PTAFR: variants seen among roughly 807,000 people sequenced by gnomAD.
PTAFR encodes the protein platelet activating factor receptor.
PTAFR carries 8 observed loss-of-function variants against 14.7 expected under a neutral mutation model. The ratio of observed to expected loss-of-function variants is 0.54; its 90% CI spans 0.32 to 0.98. The LOEUF is 0.98. PTAFR is among the 50% of genes least tolerant of loss of function. The pLI, the probability that PTAFR is intolerant of heterozygous loss-of-function variation, is 0.04. For synonymous variants in PTAFR, 156 were observed against 176.5 expected (o/e 0.88, Z 0.92); for missense variants, 337 against 451.2 (o/e 0.75, Z 2.29).
rs182526337 is a variant in PTAFR at position 28,151,403 on chromosome 1, C to T, written c.-38-344G>A. ...ATGTTGTTCAGGCTGGTCTCAAACT[C>T]CCAACCTCAGGTGATCTGCCCACCT... On this transcript the variant is annotated intron_variant, in intron 1 of 1. Coordinates refer to ENST00000373857, the MANE Select transcript of PTAFR (RefSeq NM_000952.5). Among the ~76,000 whole-genome samples, 10 of 152,228 alleles carry T rather than the reference C, an allele frequency of 6.6e-5. No individual in the cohort carries two copies. The East Asian group carries it at 1.5e-3, about 24-fold the overall frequency.
chr1:28,187,472 T>TA (rs1646616279), intron 1 of PTAFR, among the ~76,000 whole-genome samples: 1 of 151,750 alleles, frequency 6.6e-6, no homozygotes, highest in Non-Finnish European at 1.5e-5. Context: ...TGGAAGAAAA[T>TA]AGAGTTGAAT....
chr1:28,189,585 C>T (rs1214366431), intron 1 of PTAFR, among the ~76,000 whole-genome samples: 1 of 151,564 alleles, frequency 6.6e-6, no homozygotes, highest in Non-Finnish European at 1.5e-5. Flanking sequence ...TGCACTCCAA[C>T]CTGGGCAACA....
At chr1:28,176,398 G>A (rs1027977123) in intron 1 of PTAFR, among the ~76,000 whole-genome samples, 194 bp downstream of exon 1, 4 of 146,534 alleles carry the variant, frequency 2.7e-5, no homozygotes, top group Non-Finnish European at 4.5e-5. Context: ...AGCCATGATC[G>A]CGCCACTGCA....
Position 28,184,389 on chromosome 1 carries a change from G to A in PTAFR, c.-39+9333C>T, listed in dbSNP as rs528223839. Among the ~76,000 whole-genome samples, 15 of 152,098 alleles carry A rather than the reference G, an allele frequency of 9.9e-5. No individual in the cohort carries two copies. The South Asian group carries it at 1.0e-3, about 11-fold the overall frequency. On this transcript the variant is annotated intron_variant, in intron 1 of 1. Coordinates refer to the PTAFR transcript ENST00000305392. ...ATTACAGGTGTGAGCCACCGTACCC[G>A]GCCTAGTCTGTTCTTAATACAGCAA... is the stretch of plus-strand genomic sequence containing the variant.
upstream of PTAFR, chr1:28,177,105 G>T: frequency 6.9e-6 from 1 of 143,950 alleles, no homozygotes; most frequent in Non-Finnish European, 1.5e-5. Context: ...AGAGATGAGA[G>T]GAACAAGGAG....
At chr1:28,185,707 A>C (rs1039062795) in intron 1 of PTAFR, among the ~76,000 whole-genome samples, 7 of 151,990 alleles carry the variant, frequency 4.6e-5, no homozygotes, top group African/African-American at 1.7e-4. Flanking sequence ...AAGGAAAAAA[A>C]GGTTACGAAG....
chr1:28,162,118 C>T (rs1009510390), intron 1 of PTAFR, among the ~76,000 whole-genome samples: 3 of 152,098 alleles, frequency 2.0e-5, no homozygotes, highest in Non-Finnish European at 2.9e-5. Context: ...CTGTGAGCCT[C>T]GGAGAGCTGC....
Position 28,148,135 on chromosome 1 carries a change from A to G in PTAFR, c.*1858T>C, listed in dbSNP as rs1646136669. The G allele has an allele frequency of 6.6e-6, 1 of 152,240 alleles. No homozygotes were observed. The highest frequency in any genetic ancestry group is 1.5e-5 in the Non-Finnish European group (1 of 68,044). 9.4% of individuals were successfully genotyped at this position (152,240 alleles called of 1,614,324 possible). A position where few individuals can be genotyped will look rare whatever the true frequency, so the allele number is the denominator to read the frequency against. ...AGCACAGAGCTCTAGAAACCAGAGA[A>G]GTTTCCTCTGAGCCCCTTGGGTCTG... On this transcript the variant is annotated 3_prime_UTR_variant, in exon 2 of 2. Coordinates refer to ENST00000373857, the MANE Select transcript of PTAFR (RefSeq NM_000952.5).
At chr1:28,164,400 G>A (rs1646359130) in intron 1 of PTAFR, among the ~76,000 whole-genome samples, 1 of 152,190 alleles carries the variant, frequency 6.6e-6, no homozygotes, top group South Asian at 2.1e-4. Flanking sequence ...GACTAGAAGT[G>A]GTGAAGGCGG....
In PTAFR at chr1:28,150,188, G is replaced by A; in HGVS notation, c.834C>T (p.Thr278=). ...HQAINDAHQV[T]LCLLSTNCVL... is the part of the protein sequence containing the mutation. ...CACAGTTGGTGCTAAGGAGGCAGAG[G>A]GTGACCTGATGTGCATCATTAATGG... is the stretch of plus-strand genomic sequence containing the variant. The change falls in exon 2 of 2, where the codon ACC becomes ACT. Residue 278 remains threonine (T), a synonymous_variant. Coordinates refer to ENST00000373857, the MANE Select transcript of PTAFR (RefSeq NM_000952.5). The surrounding 1 kb of genome is among the most constrained non-coding windows in gnomAD (Gnocchi z 6.3). The A allele has an allele frequency of 6.2e-7, 1 of 1,614,162 alleles. No homozygotes were observed. The highest frequency in any genetic ancestry group is 8.5e-7 in the Non-Finnish European group (1 of 1,180,016).
In PTAFR at chr1:28,150,313, CCGTGCACACCATCCACAGCGCCCG is replaced by C; in HGVS notation, c.685_708del (p.Arg229_Thr236del). 6.2e-7 allele frequency: 1 copy of C among 1,613,622 alleles called. No individual in the cohort carries two copies. The highest frequency in any genetic ancestry group is 1.3e-5 in the African/African-American group (1 of 75,056). On this transcript the variant is annotated inframe_deletion, in exon 2 of 2. Transcript: ENST00000373857. This position sits in a 1 kb window ranked among gnomAD's most constrained non-coding sequence, Gnocchi z 6.3. ...AAGCAGATGATGAACACCGCCAAGA[CCGTGCACACCATCCACAGCGCCCG>C]GCGCTTGACTTCAGCGTTGCGCTGC...
chr1:28,149,111 T>C lies in PTAFR; in HGVS notation c.*882A>G, dbSNP rs1646148010. 6.6e-6 allele frequency: 1 copy of C among 152,260 alleles called. No individual in the cohort carries two copies. The highest frequency in any genetic ancestry group is 2.4e-5 in the African/African-American group (1 of 41,440). 9.4% of individuals were successfully genotyped at this position (152,260 alleles called of 1,614,324 possible). On this transcript the variant is annotated 3_prime_UTR_variant, in exon 2 of 2. Transcript: ENST00000373857. ...TGGTCTGTTCATGTTTTATCTTCTT[T>C]GGTCACCATTAGGGACAGGTTGCCA...
At position 28,161,948 on chromosome 1, in the gene PTAFR, C is replaced by A. The variant is rs541152253; in HGVS notation, c.-38-10889G>T. On this transcript the variant is annotated intron_variant, in intron 1 of 1. Transcript: ENST00000373857. Reference sequence around the variant, plus strand: ...GCCAGAGAGTATCATGTGCAAAGGGCCTGTAATGGGAATAATTTCATCATG... The same window carrying A: ...GCCAGAGAGTATCATGTGCAAAGGGACTGTAATGGGAATAATTTCATCATG... Among the ~76,000 whole-genome samples the A allele has an allele frequency of 2.3e-4, 35 of 152,212 alleles. No individual in the cohort carries two copies. In the East Asian group the frequency reaches 6.0e-3, roughly 26 times the overall value.
chr1:28,192,554 G>A (rs12406294), intron 1 of PTAFR, among the ~76,000 whole-genome samples: 44,857 of 130,488 alleles, frequency 0.34, 7,995 homozygotes, highest in African/African-American at 0.47. Context: ...GCAAAACTCC[G>A]TCTCAAAAAA....
chr1:28,175,935 T>C (rs1276516139), intron 1 of PTAFR, among the ~76,000 whole-genome samples: 3 of 151,740 alleles, frequency 2.0e-5, no homozygotes, highest in African/African-American at 7.3e-5. Flanking sequence ...GCTGCCCCCA[T>C]CACCACCATC....
chr1:28,168,856 C>G (rs1380742027), intron 1 of PTAFR, among the ~76,000 whole-genome samples: 1 of 151,860 alleles, frequency 6.6e-6, no homozygotes, highest in Non-Finnish European at 1.5e-5. Flanking sequence ...TTGGTAGAGA[C>G]GGGGTTTCAA....
chr1:28,190,751 G>A (rs1447885976), intron 1 of PTAFR, among the ~76,000 whole-genome samples: 1 of 152,122 alleles, frequency 6.6e-6, no homozygotes, highest in African/African-American at 2.4e-5. Flanking sequence ...AAGTTCCCAG[G>A]GAGACTCCTG....
Position 28,150,639 on chromosome 1 carries a change from G to A in PTAFR, c.383C>T (p.Ala128Val), listed in dbSNP as rs1182595566. Residue 128 changes from alanine to valine, a missense_variant, in exon 2 of 2, where the codon GCC becomes GTC. By Grantham distance (64) the Ala-to-Val change is moderately conservative. Transcript: ENST00000373857. The surrounding 1 kb of genome is among the most constrained non-coding windows in gnomAD (Gnocchi z 6.3). ...AVTRPIKTAQ[A>V]NTRKRGISLS... ...AGAGATGCCACGCTTGCGGGTGTTG[G>A]CCTGAGCAGTCTTGATGGGCCGAGT... 6.2e-7 allele frequency: 1 copy of A among 1,614,180 alleles called. No homozygotes were observed. The highest frequency in any genetic ancestry group is 1.7e-5 in the Admixed American group (1 of 60,024).
At chr1:28,179,326 C>A (rs1646544535), upstream of PTAFR, among the ~76,000 whole-genome samples, 1 of 152,222 alleles carries the variant, frequency 6.6e-6, no homozygotes. Context: ...TTGGCTCGGC[C>A]TGCCTTCCAG....
Sources: gnomAD v4.1 joint callset for allele counts (sites outside exome capture counted in the v4.1 genomes callset) on GRCh38, gnomAD v4.1.1 for gene constraint, Gnocchi (gnomAD v3.1) non-coding constraint, MANE v1.5 for transcripts, NCBI Gene and HGNC (gene_info 2026-07-23, HGNC 2026-07-21) for gene names.